The following USP20 variants were observed in gnomAD, a reference collection of about 807,000 sequenced individuals.
USP20 encodes ubiquitin specific peptidase 20.
A neutral mutation model predicts 124.2 loss-of-function variants in USP20; 80 were observed. The ratio of observed to expected loss-of-function variants is 0.64; its 90% CI spans 0.54 to 0.78. The LOEUF (loss-of-function observed/expected upper bound fraction) is 0.78, where lower values mean the gene tolerates loss of function less well. Ranked by LOEUF, USP20 falls within the 30% of genes least tolerant of loss-of-function variation. The pLI, the probability that USP20 is intolerant of heterozygous loss-of-function variation, is 0.00. For synonymous variants in USP20, 481 were observed against 512.3 expected, an observed-to-expected ratio of 0.94 and a Z score of 0.83; for missense variants, 1,043 against 1,244.4, an observed-to-expected ratio of 0.84 and a Z score of 2.44.
intron 10 of USP20, among the ~76,000 whole-genome samples, chr9:129,866,686 G>C (rs1328952867): frequency 4.6e-5 from 7 of 152,242 alleles, no homozygotes. Flanking sequence ...ATCGTGTGGG[G>C]ACACTTCTGA....
intron 2 of USP20, among the ~76,000 whole-genome samples, chr9:129,850,671 T>C (rs1326761879): frequency 6.6e-6 from 1 of 151,972 alleles, no homozygotes; most frequent in Non-Finnish European, 1.5e-5. Context: ...TGTGTGTGTT[T>C]TGGGATGGAG....
Position 129,881,700 on chromosome 9 carries a change from G to C in USP20, c.*1250G>C, listed in dbSNP as rs747458040. ...TGGCCCCAGCCTTCTGAAAGCCGGC[G>C]CTGCAGCCAGAGGCCGCACGCTGCA... On this transcript the variant is annotated 3_prime_UTR_variant, in exon 26 of 26. Coordinates refer to ENST00000372429, the MANE Select transcript of USP20 (RefSeq NM_001110303.4). 6.6e-6 allele frequency: 1 copy of C among 152,286 alleles called. No individual in the cohort carries two copies. Among genetic ancestry groups the C allele is most frequent in the African/African-American group, 2.4e-5 (1 of 41,468 alleles). 9.4% of individuals were successfully genotyped at this position (152,286 alleles called of 1,614,324 possible).
At chr9:129,876,607 C>G (rs570426664) in intron 22 of USP20, among the ~76,000 whole-genome samples, 1 of 149,704 alleles carries the variant, frequency 6.7e-6, no homozygotes, top group Non-Finnish European at 1.5e-5. Flanking sequence ...CCACTGCGCT[C>G]CAGCCTGGGC....
In USP20 at chr9:129,872,712, G is replaced by A. The variant is rs544699778; in HGVS notation, c.1661-770G>A. ...ACTTAATTTTCACAGTGTGCATGGA[G>A]GGGGAAACTATACATTAAGATTTTA... On this transcript the variant is annotated intron_variant, in intron 15 of 25. Transcript: ENST00000372429. Among the ~76,000 whole-genome samples, 3 of 152,178 alleles carry A rather than the reference G, an allele frequency of 2.0e-5. No homozygotes were observed. The East Asian group carries it at 5.8e-4, about 29-fold the overall frequency.
chr9:129,869,015 CG>C lies in USP20; in HGVS notation c.1276+16del. On this transcript the variant is annotated intron_variant, in intron 12 of 25. Transcript: ENST00000372429. Reference sequence around the variant, plus strand: ...GTGCTCAAGAAAGGTTCGGGGGGCACGGGAGGGTGGGTCAGCTTGAGGCTGG... The same window carrying C: ...GTGCTCAAGAAAGGTTCGGGGGGCACGGAGGGTGGGTCAGCTTGAGGCTGG... 6.6e-7 allele frequency: 1 copy of C among 1,509,352 alleles called. No homozygotes were observed. Among genetic ancestry groups the C allele is most frequent in the Non-Finnish European group, 9.1e-7 (1 of 1,095,356 alleles). 93.5% of individuals were successfully genotyped at this position (1,509,352 alleles called of 1,614,324 possible).
intron 8 of USP20, among the ~76,000 whole-genome samples, chr9:129,862,268 C>T (rs959790037): frequency 1.3e-4 from 20 of 152,300 alleles, no homozygotes; most frequent in African/African-American, 3.6e-4. Context: ...ATTGACCACA[C>T]CCAGGCTGGG....
intron 1 of USP20, among the ~76,000 whole-genome samples, chr9:129,848,188 C>G (rs1036250739): frequency 6.6e-6 from 1 of 152,114 alleles, no homozygotes; most frequent in African/African-American, 2.4e-5. Flanking sequence ...CCCAGCTACT[C>G]AAGGGGCTGA....
In USP20 at chr9:129,868,206, CA is replaced by C; in HGVS notation, c.893del (p.Gln298ArgfsTer15). On this transcript the variant is annotated frameshift_variant, in exon 11 of 26. Coordinates refer to ENST00000372429, the MANE Select transcript of USP20 (RefSeq NM_001110303.4). LOFTEE classifies it high-confidence loss of function. ...CAGTGACCGGGGTGAGGGTGACGGG[CA>C]GGGGCGTGGCGGGGGCAGCTCGCAG... Reference protein sequence around the residue: ...SSSDRGEGDGQGRGGGSSQAE... With the variant: ...SSSDRGEGDGXGRGGGSSQAE... 1 of 1,613,988 alleles carries C rather than the reference CA, an allele frequency of 6.2e-7. No individual in the cohort carries two copies.
chr9:129,874,069 G>A (rs1427782309), intron 17 of USP20, among the ~76,000 whole-genome samples: 3 of 152,218 alleles, frequency 2.0e-5, no homozygotes, highest in Admixed American at 6.5e-5. Flanking sequence ...GCAGAGTGGC[G>A]GGAGGAGAGC....
Position 129,858,550 on chromosome 9 carries a change from G to T in USP20, c.282G>T (p.Gln94His), listed in dbSNP as rs777660423. Residue 94 changes from glutamine (Q) to histidine (H), a missense_variant, in exon 6 of 26, where the codon CAG becomes CAT. Gln to His is a conservative substitution (Grantham distance 24). Transcript: ENST00000372429. Reference sequence around the variant, plus strand: ...GTGAGAAGGAGGTATTCCTGGAGCAGCGGCTGGCAGCCCCTCTGCTGGGCT... The same window carrying T: ...GTGAGAAGGAGGTATTCCTGGAGCATCGGCTGGCAGCCCCTCTGCTGGGCT... ...YACEKEVFLEQRLAAPLLGSS... is the reference protein window; with the variant it reads ...YACEKEVFLEHRLAAPLLGSS... The T allele has an allele frequency of 6.2e-7, 1 of 1,614,192 alleles. No homozygotes were observed. Among genetic ancestry groups the T allele is most frequent in the Non-Finnish European group, 8.5e-7 (1 of 1,180,024 alleles).
rs1160811369 is a variant in USP20, at chr9:129,875,291, C to T, written c.2049-19C>T. On this transcript the variant is annotated intron_variant, in intron 19 of 25. Coordinates refer to ENST00000372429, the MANE Select transcript of USP20 (RefSeq NM_001110303.4). ...GGCAGCCGTCAGGCACAGCTTCTCGCCCCCTCCTCACCCCACAGGAAGAGC... is the reference window on the plus strand; with the variant it reads ...GGCAGCCGTCAGGCACAGCTTCTCGTCCCCTCCTCACCCCACAGGAAGAGC... The T allele has an allele frequency of 1.3e-6, 2 of 1,587,028 alleles. No individual in the cohort carries two copies. Among genetic ancestry groups the T allele is most frequent in the African/African-American group, 1.3e-5 (1 of 74,532 alleles).
At chr9:129,855,867 C>T (rs1227297085) in intron 3 of USP20, among the ~76,000 whole-genome samples, 1 of 152,070 alleles carries the variant, frequency 6.6e-6, no homozygotes, top group Non-Finnish European at 1.5e-5. Context: ...TTCATTTATA[C>T]CAGGCCCTGT....
intron 2 of USP20, among the ~76,000 whole-genome samples, chr9:129,850,542 G>T (rs1010118119): frequency 3.3e-5 from 5 of 152,150 alleles, no homozygotes; most frequent in African/African-American, 1.2e-4. Flanking sequence ...CTGGCCAGTT[G>T]ACCCTGGCTG....
rs542286779 is a variant in USP20, at chr9:129,868,440, C to T, written c.1126C>T (p.Arg376Trp). ...PPSPRSSSPC[R>W]TPEPDNDAHL... ...GTCACCACGGTCCTCCAGCCCCTGC[C>T]GGACGCCAGGTATCAGCTGGCCGGG... Residue 376 changes from arginine (R) to tryptophan (W), a missense_variant, in exon 11 of 26, where the codon CGG (arginine) becomes TGG (tryptophan). Arg to Trp is a moderately radical substitution (Grantham distance 101). Transcript: ENST00000372429. 120 of 1,609,944 alleles carry T rather than the reference C, an allele frequency of 7.5e-5. 2 individuals carry two copies. The highest frequency in any genetic ancestry group is 7.0e-4 in the South Asian group (64 of 90,998).
chr9:129,880,572 A>G lies in USP20; in HGVS notation c.*122A>G, dbSNP rs188547185. On this transcript the variant is annotated 3_prime_UTR_variant, in exon 26 of 26. Transcript: ENST00000372429. ...AGGCAGAAAAGTTGGTTTGGTTTGC[A>G]GTAACGCTGCAACTAGAAAATATAT... 99 of 398,990 alleles carry G rather than the reference A, an allele frequency of 2.5e-4. No individual in the cohort carries two copies. The highest frequency in any genetic ancestry group is 1.9e-3 in the African/African-American group (94 of 50,408). 24.7% of individuals were successfully genotyped at this position (398,990 alleles called of 1,614,324 possible). A position where few individuals can be genotyped will look rare whatever the true frequency, so the allele number is the denominator to read the frequency against.
intron 1 of USP20, among the ~76,000 whole-genome samples, chr9:129,836,696 A>G (rs1378433615): frequency 1.3e-5 from 2 of 152,188 alleles, no homozygotes; most frequent in African/African-American, 4.8e-5. Flanking sequence ...GCTGGAAAAA[A>G]TAGTAGACTC....
chr9:129,868,719 G>T, intron 11 of USP20, 143 bp from the exon 12 acceptor site: 1 of 1,397,678 alleles, frequency 7.2e-7, no homozygotes, highest in Non-Finnish European at 9.5e-7. Context: ...TGTGTGCTGG[G>T]GCCAGGAGTG....
intron 9 of USP20, 30 bp downstream of exon 9, chr9:129,863,329 G>C: frequency 6.6e-7 from 1 of 1,510,306 alleles, no homozygotes; most frequent in African/African-American, 1.4e-5. Context: ...GCCTTGGGCG[G>C]TGTGTGGGGA....
intron 1 of USP20, among the ~76,000 whole-genome samples, chr9:129,845,090 C>T (rs2032461006): frequency 6.6e-6 from 1 of 152,166 alleles, no homozygotes; most frequent in Non-Finnish European, 1.5e-5. Context: ...ATACAAAAAA[C>T]ACATGTTGAG....
Sources: allele counts gnomAD v4.1 joint callset (sites outside exome capture counted in the v4.1 genomes callset), GRCh38; gene constraint gnomAD v4.1.1; transcripts MANE v1.5; gene names NCBI Gene and HGNC (gene_info 2026-07-23, HGNC 2026-07-21).